Variants in SGCZ observed in about 807,000 individuals in gnomAD.
The protein encoded by SGCZ is zeta-sarcoglycan.
A neutral mutation model predicts 41.3 loss-of-function variants in SGCZ; 40 were observed. That is an observed-to-expected ratio of 0.97 (90% CI 0.75 to 1.26). The LOEUF is 1.26. Among genes scored for constraint, SGCZ ranks in the 50% most tolerant of loss-of-function variants. SGCZ has a pLI of 0.00. For missense variants in SGCZ, 552 were observed against 369.8 expected (o/e 1.49, Z -4.04); for synonymous variants, 206 against 137.5 (o/e 1.50, Z -3.49).
At chr8:15,037,750 G>T (rs999165624) in intron 1 of SGCZ, among the ~76,000 whole-genome samples, 1 of 152,090 alleles carries the variant, frequency 6.6e-6, no homozygotes, top group African/African-American at 2.4e-5. Context: ...ACCAAAAACT[G>T]TTTAGAAATA....
intron 3 of SGCZ, among the ~76,000 whole-genome samples, chr8:14,317,983 AAAC>A (rs1801772764): frequency 6.6e-6 from 1 of 151,966 alleles, no homozygotes; most frequent in African/African-American, 2.4e-5. Context: ...AAAAAAAAAA[AAAC>A]TTCTTACAGC....
At chr8:14,115,401 T>A (rs896038695) in intron 5 of SGCZ, among the ~76,000 whole-genome samples, 3 of 152,042 alleles carry the variant, frequency 2.0e-5, no homozygotes, top group Non-Finnish European at 2.9e-5. Context: ...ATTAACCTAT[T>A]TGATAGCACA....
chr8:14,149,162 C>T (rs1012373579), intron 5 of SGCZ, among the ~76,000 whole-genome samples: 2 of 152,038 alleles, frequency 1.3e-5, no homozygotes, highest in Admixed American at 1.3e-4. Flanking sequence ...TGTTATTCAC[C>T]ATAGTACTGG....
At chr8:14,691,206 G>C (rs1792371361) in intron 1 of SGCZ, among the ~76,000 whole-genome samples, 3 of 152,072 alleles carry the variant, frequency 2.0e-5, no homozygotes, top group African/African-American at 7.2e-5. Context: ...ACTTCGATAA[G>C]GCACTCACTA....
chr8:14,340,962 C>T lies in SGCZ; in HGVS notation c.235-16758G>A, dbSNP rs141988153. The stretch of plus-strand genomic sequence containing the variant: ...TCCTGAATCCCCTCTCCCCCAGCCC[C>T]TGGTAACTGCTATTCTACCTTCTAT... On this transcript the variant is annotated intron_variant, in intron 2 of 7. Coordinates refer to ENST00000382080, the MANE Select transcript of SGCZ (RefSeq NM_139167.4). Among the ~76,000 whole-genome samples, 460 of 152,260 alleles carry T rather than the reference C, an allele frequency of 3.0e-3. 1 individual carries two copies. The highest frequency in any genetic ancestry group is 5.1e-3 in the Non-Finnish European group (349 of 68,006).
At chr8:15,152,126 G>C (rs1799194468) in intron 1 of SGCZ, among the ~76,000 whole-genome samples, 2 of 152,150 alleles carry the variant, frequency 1.3e-5, no homozygotes. Context: ...TAAAAACTGA[G>C]ATGTCCTGAG....
At chr8:15,181,518 C>A (rs903526369) in intron 1 of SGCZ, among the ~76,000 whole-genome samples, 1 of 152,086 alleles carries the variant, frequency 6.6e-6, no homozygotes, top group African/African-American at 2.4e-5. Flanking sequence ...CAAATTTGTT[C>A]TGTGTGATGA....
intron 2 of SGCZ, among the ~76,000 whole-genome samples, chr8:14,352,178 A>G (rs1803123748): frequency 6.6e-6 from 1 of 152,038 alleles, no homozygotes; most frequent in South Asian, 2.1e-4. Flanking sequence ...AGTTACAAAA[A>G]CTTGTGTGAA....
chr8:14,726,623 A>T (rs1408896393), intron 1 of SGCZ, among the ~76,000 whole-genome samples: 2 of 151,998 alleles, frequency 1.3e-5, no homozygotes, highest in Non-Finnish European at 2.9e-5. Flanking sequence ...AATTTTGAGA[A>T]ATTATTAATA....
chr8:14,848,637 G>T (rs569732133), intron 1 of SGCZ, among the ~76,000 whole-genome samples: 33 of 152,266 alleles, frequency 2.2e-4, no homozygotes, highest in Non-Finnish European at 3.8e-4. Flanking sequence ...GGGACTACTG[G>T]ATAACCATAT....
chr8:15,222,076 T>C (rs1335862752), intron 1 of SGCZ, among the ~76,000 whole-genome samples: 2 of 152,220 alleles, frequency 1.3e-5, no homozygotes, highest in Admixed American at 6.5e-5. Context: ...TTCAAAATTA[T>C]ATGTAAGTTG....
chr8:14,495,165 G>A (rs949732024), intron 2 of SGCZ, among the ~76,000 whole-genome samples: 2 of 152,114 alleles, frequency 1.3e-5, no homozygotes, highest in Admixed American at 1.3e-4. Flanking sequence ...AAGATAAAGA[G>A]GAATAAGAGT....
At chr8:14,815,382 A>ATTTT (rs368066882) in intron 1 of SGCZ, among the ~76,000 whole-genome samples, 125 of 147,790 alleles carry the variant, frequency 8.5e-4, no homozygotes, top group East Asian at 3.8e-3. Flanking sequence ...AACTTGTATG[A>ATTTT]TTTTTTTTTT....
intron 4 of SGCZ, among the ~76,000 whole-genome samples, chr8:14,196,598 G>T (rs974968320): frequency 6.6e-6 from 1 of 152,054 alleles, no homozygotes; most frequent in Admixed American, 6.6e-5. Context: ...GTGTTTAATG[G>T]CATTATTCTT....
intron 1 of SGCZ, among the ~76,000 whole-genome samples, chr8:14,996,715 A>T (rs1337483286): frequency 6.6e-6 from 1 of 152,350 alleles, no homozygotes; most frequent in South Asian, 2.1e-4. Context: ...AACTCCAGAC[A>T]TCTTCTGGAT....
At chr8:14,654,600 C>T (rs756566253) in intron 1 of SGCZ, among the ~76,000 whole-genome samples, 73 of 152,042 alleles carry the variant, frequency 4.8e-4, no homozygotes, top group Non-Finnish European at 8.8e-4. Context: ...GAGACAGAGT[C>T]TCGCTCTGTC....
At chr8:15,139,189 A>T (rs1299597646) in intron 1 of SGCZ, among the ~76,000 whole-genome samples, 1 of 152,152 alleles carries the variant, frequency 6.6e-6, no homozygotes, top group Non-Finnish European at 1.5e-5. Flanking sequence ...AAGCATCAAA[A>T]CCAAATTTCC....
chr8:14,706,001 T>C (rs1349737155), intron 1 of SGCZ, among the ~76,000 whole-genome samples: 7 of 151,956 alleles, frequency 4.6e-5, no homozygotes, highest in African/African-American at 1.7e-4. Context: ...ATAATAGAAA[T>C]AAATAATAGT....
At chr8:14,464,777 G>C (rs537620064) in intron 2 of SGCZ, among the ~76,000 whole-genome samples, 4 of 151,052 alleles carry the variant, frequency 2.6e-5, no homozygotes, top group Non-Finnish European at 5.9e-5. Context: ...TTTAAGTTTT[G>C]CTATATTTCT....
Sources: gnomAD v4.1 joint callset for allele counts (sites outside exome capture counted in the v4.1 genomes callset) on GRCh38, gnomAD v4.1.1 for gene constraint, MANE v1.5 for transcripts, NCBI Gene and HGNC (gene_info 2026-07-23, HGNC 2026-07-21) for gene names.